The following IGF2BP3 variants were observed in gnomAD, a reference collection of about 807,000 sequenced individuals.
IGF2BP3 encodes the protein insulin like growth factor 2 mRNA binding protein 3.
Under a neutral mutation model 73.8 loss-of-function variants are expected in IGF2BP3, and 9 were observed. The observed-to-expected ratio is 0.12, with a 90% CI of 0.07 to 0.21. The LOEUF (loss-of-function observed/expected upper bound fraction) is 0.21. Among genes scored for constraint, IGF2BP3 ranks in the 10% least tolerant of loss-of-function variants. The probability of loss-of-function intolerance (pLI) is 1.00; values close to 1 mark genes in which losing one functional copy is unlikely to be tolerated. For synonymous variants in IGF2BP3, 258 were observed against 256.7 expected (o/e 1.01, Z -0.05); for missense variants, 542 against 714.0 (o/e 0.76, Z 2.75).
At chr7:23,410,531 AG>A (rs1786986416) in intron 3 of IGF2BP3, among the ~76,000 whole-genome samples, 1 of 152,224 alleles carries the variant, frequency 6.6e-6, no homozygotes, top group Non-Finnish European at 1.5e-5. Flanking sequence ...TACCGGTTGT[AG>A]AGAACTCTGG....
intron 9 of IGF2BP3, 136 bp downstream of exon 9, chr7:23,343,582 A>G: frequency 2.6e-6 from 2 of 764,204 alleles, no homozygotes; most frequent in Non-Finnish European, 4.3e-6. Context: ...ATCCCAGGGT[A>G]CTTGCTGAGG....
intron 10 of IGF2BP3, among the ~76,000 whole-genome samples, chr7:23,324,080 C>T (rs1263989391): frequency 1.3e-5 from 2 of 151,962 alleles, no homozygotes; most frequent in Admixed American, 6.6e-5. Flanking sequence ...CAGAGCAGAA[C>T]TGAAGGAAAT....
chr7:23,456,919 C>T (rs1337399511), intron 2 of IGF2BP3, among the ~76,000 whole-genome samples: 1 of 152,044 alleles, frequency 6.6e-6, no homozygotes, highest in Non-Finnish European at 1.5e-5. Flanking sequence ...CGTAGTGGCA[C>T]GCGCCCATAG....
At chr7:23,441,559 TGA>T (rs1787935395) in intron 2 of IGF2BP3, among the ~76,000 whole-genome samples, 1 of 111,736 alleles carries the variant, frequency 8.9e-6, no homozygotes, top group Non-Finnish European at 1.7e-5. Context: ...GGGACAAGAG[TGA>T]GACTCCATCT....
At chr7:23,363,184 G>T (rs1398497599) in intron 3 of IGF2BP3, among the ~76,000 whole-genome samples, 1 of 152,224 alleles carries the variant, frequency 6.6e-6, no homozygotes, top group Non-Finnish European at 1.5e-5. Context: ...ATCTTATGTG[G>T]TATATTTTAG....
intron 2 of IGF2BP3, among the ~76,000 whole-genome samples, chr7:23,440,761 A>G (rs1462322910): frequency 2.0e-5 from 3 of 152,184 alleles, no homozygotes; most frequent in African/African-American, 7.2e-5. Flanking sequence ...CGCAGGCTCT[A>G]CTAGGGCTAT....
intron 3 of IGF2BP3, among the ~76,000 whole-genome samples, chr7:23,388,607 C>CTTTTTTTTTTT (rs35723715): frequency 8.1e-6 from 1 of 124,022 alleles, no homozygotes. Flanking sequence ...TCTTCTCCAT[C>CTTTTTTTTTTT]TTTTTTTTTT....
intron 3 of IGF2BP3, among the ~76,000 whole-genome samples, chr7:23,385,406 G>C (rs1786050786): frequency 6.6e-6 from 1 of 152,186 alleles, no homozygotes; most frequent in Non-Finnish European, 1.5e-5. Context: ...ACTGATGCCT[G>C]GATCCTAAGA....
intron 3 of IGF2BP3, among the ~76,000 whole-genome samples, chr7:23,366,327 G>A (rs1429900217): frequency 6.6e-6 from 1 of 151,786 alleles, no homozygotes; most frequent in African/African-American, 2.4e-5. Flanking sequence ...TAGTAGAGAC[G>A]GGGTTTCACC....
At chr7:23,345,244 A>C (rs1453905071) in intron 8 of IGF2BP3, among the ~76,000 whole-genome samples, 2 of 152,238 alleles carry the variant, frequency 1.3e-5, no homozygotes, top group African/African-American at 4.8e-5. Flanking sequence ...GAGCATCCAC[A>C]GATTCTAAGT....
chr7:23,466,117 C>A (rs1389196113), intron 2 of IGF2BP3, among the ~76,000 whole-genome samples: 1 of 151,388 alleles, frequency 6.6e-6, no homozygotes, highest in African/African-American at 2.4e-5. Context: ...CTCCCCAGTT[C>A]AAGCAATTCT....
At position 23,393,184 on chromosome 7, in the gene IGF2BP3, G is replaced by A. The variant is rs74835020; in HGVS notation, c.285+25592C>T. Among the ~76,000 whole-genome samples the A allele has an allele frequency of 6.3e-3, 959 of 152,198 alleles. 9 individuals carry two copies. Among genetic ancestry groups the A allele is most frequent in the Non-Finnish European group, 0.01 (695 of 68,028 alleles). Reference sequence around the variant, plus strand: ...CTTCCAGAAGGACCCTTTACCTACAGAACTGTGCTATCACCTCACCAATGT... The same window carrying A: ...CTTCCAGAAGGACCCTTTACCTACAAAACTGTGCTATCACCTCACCAATGT... On this transcript the variant is annotated intron_variant, in intron 3 of 14. Coordinates refer to ENST00000258729, the MANE Select transcript of IGF2BP3 (RefSeq NM_006547.3).
chr7:23,369,558 G>A (rs142248733), intron 3 of IGF2BP3, among the ~76,000 whole-genome samples: 1 of 152,018 alleles, frequency 6.6e-6, no homozygotes, highest in South Asian at 2.1e-4. Flanking sequence ...AACCAGTTTG[G>A]TTCAGTAACA....
At chr7:23,332,036 G>C (rs578252742) in intron 10 of IGF2BP3, among the ~76,000 whole-genome samples, 7 of 152,082 alleles carry the variant, frequency 4.6e-5, no homozygotes, top group Admixed American at 4.6e-4. Flanking sequence ...TAAACCCTTA[G>C]ATTTCATGAG....
chr7:23,380,734 G>C (rs1281638038), intron 3 of IGF2BP3, among the ~76,000 whole-genome samples: 1 of 152,142 alleles, frequency 6.6e-6, no homozygotes, highest in Non-Finnish European at 1.5e-5. Flanking sequence ...TTTTAAGAGG[G>C]AAATTTGGAC....
intron 10 of IGF2BP3, among the ~76,000 whole-genome samples, chr7:23,336,562 G>A (rs918998699): frequency 6.6e-6 from 1 of 151,816 alleles, no homozygotes; most frequent in African/African-American, 2.4e-5. Context: ...CGGGAGTGCA[G>A]TGGCACGATC....
chr7:23,336,460 A>T (rs1012300636), intron 10 of IGF2BP3, among the ~76,000 whole-genome samples: 26 of 150,164 alleles, frequency 1.7e-4, no homozygotes, highest in Non-Finnish European at 3.4e-4. Context: ...TTTTTTTTTT[A>T]AATAACATCA....
intron 3 of IGF2BP3, among the ~76,000 whole-genome samples, chr7:23,386,060 G>C (rs1786071964): frequency 6.6e-6 from 1 of 152,192 alleles, no homozygotes; most frequent in Non-Finnish European, 1.5e-5. Flanking sequence ...ATCTGATAGA[G>C]AGAGGTGGGA....
At chr7:23,465,127 T>C (rs567034981) in intron 2 of IGF2BP3, among the ~76,000 whole-genome samples, 1 of 152,256 alleles carries the variant, frequency 6.6e-6, no homozygotes, top group South Asian at 2.1e-4. Context: ...CATAATCACA[T>C]AGGGGCACAA....
Sources: gnomAD v4.1 joint callset for allele counts (sites outside exome capture counted in the v4.1 genomes callset) on GRCh38, gnomAD v4.1.1 for gene constraint, MANE v1.5 for transcripts, NCBI Gene and HGNC (gene_info 2026-07-23, HGNC 2026-07-21) for gene names.